Variants in SLC35A1 observed in about 807,000 individuals in gnomAD.
SLC35A1 encodes CMP-sialic acid transporter.
Under a neutral mutation model 40.3 loss-of-function variants are expected in SLC35A1, and 21 were observed. That is an observed-to-expected ratio of 0.52 (90% confidence interval 0.37 to 0.75). SLC35A1 has a LOEUF of 0.75. SLC35A1 is among the 30% of genes least tolerant of loss of function. The pLI, the probability that SLC35A1 is intolerant of heterozygous loss-of-function variation, is 0.00. For missense variants in SLC35A1, 297 were observed against 382.1 expected (o/e 0.78, Z 1.86); for synonymous variants, 146 against 147.3 (o/e 0.99, Z 0.06).
At position 87,509,108 on chromosome 6, in the gene SLC35A1, C is replaced by A. The variant is rs747276429; in HGVS notation, c.819C>A (p.Gly273=). 2 of 1,614,140 alleles carry A rather than the reference C, an allele frequency of 1.2e-6. No homozygotes were observed. The highest frequency in any genetic ancestry group is 2.7e-5 in the African/African-American group (2 of 75,058). ...AGTACACAGACAACATCATGAAAGGCTTTTCTGCAGCAGCGGCCATTGTCC... is the reference window on the plus strand; with the variant it reads ...AGTACACAGACAACATCATGAAAGGATTTTCTGCAGCAGCGGCCATTGTCC... The part of the protein sequence containing the change: ...VVKYTDNIMK[G]FSAAAAIVLS... The change falls in exon 7 of 8, where the codon GGC becomes GGA. Residue 273 remains glycine, a synonymous_variant. Transcript: ENST00000369552.
At position 87,489,307 on chromosome 6, in the gene SLC35A1, G is replaced by T. The variant is rs183453271; in HGVS notation, c.195-11201G>T. Among the ~76,000 whole-genome samples the T allele has an allele frequency of 4.4e-3, 662 of 152,164 alleles. 3 individuals are homozygous for T. The highest frequency in any genetic ancestry group is 0.015 in the African/African-American group (617 of 41,510). ...GGGCAAATTCCTCATGAATGGTTTG[G>T]TACTGTTTTCCTGGTAGTGAGCTGT... On this transcript the variant is annotated intron_variant, in intron 2 of 7. Transcript: ENST00000369552.
chr6:87,503,231 T>C (rs1157661629), intron 4 of SLC35A1, among the ~76,000 whole-genome samples: 2 of 152,186 alleles, frequency 1.3e-5, no homozygotes, highest in African/African-American at 4.8e-5. Context: ...GTGCCTTAGC[T>C]AGCTGGTTCT....
At chr6:87,498,849 A>G (rs1769826411) in intron 2 of SLC35A1, among the ~76,000 whole-genome samples, 1 of 152,224 alleles carries the variant, frequency 6.6e-6, no homozygotes, top group Non-Finnish European at 1.5e-5. Context: ...GTTAAAAAAA[A>G]AGGCAAACAT....
intron 5 of SLC35A1, 102 bp from the exon 6 acceptor site, chr6:87,508,318 A>G (rs1770150399): frequency 1.3e-6 from 1 of 790,962 alleles, no homozygotes; most frequent in Non-Finnish European, 2.0e-6. Context: ...TTGTTCCCCA[A>G]ATCATATACT....
At chr6:87,487,992 G>A (rs1342858242) in intron 2 of SLC35A1, 1 of 152,174 alleles carries the variant, frequency 6.6e-6, no homozygotes, top group African/African-American at 2.4e-5. Context: ...GTATCAGGAA[G>A]CATATCTGTG....
chr6:87,498,220 TTCTGGGTATCACCTTAAAGACACA>T (rs918858710), intron 2 of SLC35A1, among the ~76,000 whole-genome samples: 4 of 152,178 alleles, frequency 2.6e-5, no homozygotes, highest in African/African-American at 9.7e-5. Context: ...CAGCAGTTCC[TTCTGGGTATCACCTTAAAGACACA>T]TCATCAGTGT....
At chr6:87,508,388 C>G (rs1206996325) in intron 5 of SLC35A1, 32 bp from the exon 6 acceptor site, 1 of 1,388,994 alleles carries the variant, frequency 7.2e-7, no homozygotes, top group Non-Finnish European at 1.0e-6. Context: ...TTATAGTAAT[C>G]TTTAATATTT....
Position 87,473,015 on chromosome 6 carries a change from G to A in SLC35A1, c.12G>A (p.Pro4=), listed in dbSNP as rs1379211506. 3.0e-6 allele frequency: 2 copies of A among 674,764 alleles called. No individual in the cohort carries two copies. The highest frequency in any genetic ancestry group is 2.8e-5 in the South Asian group (1 of 35,168). The allele number at this position is 674,764 out of a possible 1,614,324, so 41.8% of individuals were successfully genotyped here. Residue 4 remains proline, a synonymous_variant, in exon 1 of 8, where the codon CCG becomes CCA. Transcript: ENST00000369552. The part of the protein sequence containing the change: MAA[P]RDNVTLLFKL... ...GCTGTCGGGGAACCATGGCTGCCCCGAGAGGTGAGAACTGGGTCTGCTGGG... is the reference window on the plus strand; with the variant it reads ...GCTGTCGGGGAACCATGGCTGCCCCAAGAGGTGAGAACTGGGTCTGCTGGG...
intron 2 of SLC35A1, chr6:87,499,186 T>C (rs1769837039): frequency 2.2e-6 from 2 of 891,232 alleles, no homozygotes; most frequent in South Asian, 1.0e-4. Flanking sequence ...TTTAATATAA[T>C]GGACTTTTGC....
chr6:87,494,207 G>C (rs1287827913), intron 2 of SLC35A1, among the ~76,000 whole-genome samples: 2 of 151,974 alleles, frequency 1.3e-5, no homozygotes, highest in Non-Finnish European at 2.9e-5. Flanking sequence ...AGTCTGTACT[G>C]ATGGGCATTT....
At chr6:87,508,349 G>A in intron 5 of SLC35A1, 71 bp from the exon 6 acceptor site, 1 of 1,027,012 alleles carries the variant, frequency 9.7e-7, no homozygotes, top group Non-Finnish European at 1.5e-6. Flanking sequence ...CTAGGGTATT[G>A]TTCTAAATGA....
At chr6:87,499,712 A>C (rs1467958048) in intron 2 of SLC35A1, among the ~76,000 whole-genome samples, 4 of 152,256 alleles carry the variant, frequency 2.6e-5, no homozygotes, top group Non-Finnish European at 5.9e-5. Context: ...ACTATATTTC[A>C]TAAGTACTAA....
chr6:87,500,968 T>C (rs1231792372), intron 3 of SLC35A1, among the ~76,000 whole-genome samples, 190 bp from the exon 4 acceptor site: 5 of 152,080 alleles, frequency 3.3e-5, no homozygotes, highest in Non-Finnish European at 7.4e-5. Flanking sequence ...ATGATGGTCT[T>C]GATCTCCAGA....
In SLC35A1 at chr6:87,480,494, C is replaced by A. The variant is rs553246175; in HGVS notation, c.194+2955C>A. 1.1e-3 allele frequency among the ~76,000 whole-genome samples: 168 copies of A among 152,192 alleles called. 1 individual carries two copies. Among genetic ancestry groups the A allele is most frequent in the Non-Finnish European group, 2.0e-3 (136 of 68,050 alleles). Reference sequence around the variant, plus strand: ...TTACATCTTTATACCCTGTCAATAGCTATGGTTTGCCTTAGGTCTCCTATT... The same window carrying A: ...TTACATCTTTATACCCTGTCAATAGATATGGTTTGCCTTAGGTCTCCTATT... On this transcript the variant is annotated intron_variant, in intron 2 of 7. Coordinates refer to ENST00000369552, the MANE Select transcript of SLC35A1 (RefSeq NM_006416.5).
At chr6:87,505,145 C>T (rs994484624) in intron 4 of SLC35A1, among the ~76,000 whole-genome samples, 17 of 152,188 alleles carry the variant, frequency 1.1e-4, no homozygotes, top group South Asian at 2.1e-4. Context: ...TCTTCTGTTT[C>T]TCCTTTTATC....
At chr6:87,480,675 T>C (rs1304466601) in intron 2 of SLC35A1, among the ~76,000 whole-genome samples, 6 of 152,200 alleles carry the variant, frequency 3.9e-5, no homozygotes, top group African/African-American at 1.4e-4. Flanking sequence ...CTTCTGCTCC[T>C]AAACCATAGA....
chr6:87,490,161 G>A (rs1009536608), intron 2 of SLC35A1, among the ~76,000 whole-genome samples: 1 of 151,770 alleles, frequency 6.6e-6, no homozygotes, highest in African/African-American at 2.4e-5. Flanking sequence ...CCTGGGAGGT[G>A]GAGGCTGCAG....
At chr6:87,491,783 G>A (rs1259361919) in intron 2 of SLC35A1, among the ~76,000 whole-genome samples, 2 of 152,092 alleles carry the variant, frequency 1.3e-5, no homozygotes, top group Non-Finnish European at 2.9e-5. Context: ...CCTTTTTGCT[G>A]TATCTTCATG....
chr6:87,488,520 G>A (rs1023448791), intron 2 of SLC35A1: 1 of 152,226 alleles, frequency 6.6e-6, no homozygotes, highest in African/African-American at 2.4e-5. Flanking sequence ...GTGCAAGGAT[G>A]ACATGCAGAT....
Sources: gnomAD v4.1 joint callset for allele counts (sites outside exome capture counted in the v4.1 genomes callset) on GRCh38, gnomAD v4.1.1 for gene constraint, MANE v1.5 for transcripts, NCBI Gene and HGNC (gene_info 2026-07-23, HGNC 2026-07-21) for gene names.